Variants in LAMB4 observed in about 807,000 individuals in gnomAD.
LAMB4 encodes laminin subunit beta-4.
LAMB4 carries 196 observed loss-of-function variants against 199.2 expected under a neutral mutation model. The ratio of observed to expected loss-of-function variants is 0.98; its 90% CI spans 0.88 to 1.11. The LOEUF (loss-of-function observed/expected upper bound fraction) is 1.11, where lower values mean the gene tolerates loss of function less well. Among genes scored for constraint, LAMB4 ranks in the 50% least tolerant of loss-of-function variants. The pLI, the probability that LAMB4 is intolerant of heterozygous loss-of-function variation, is 0.00. For missense variants in LAMB4, 2,080 were observed against 2,171.2 expected (o/e 0.96, Z 0.83); for synonymous variants, 744 against 770.6 (o/e 0.97, Z 0.57).
intron 17 of LAMB4, among the ~76,000 whole-genome samples, chr7:108,071,024 A>G (rs1009008646): frequency 6.6e-6 from 1 of 152,154 alleles, no homozygotes; most frequent in African/African-American, 2.4e-5. Context: ...TTGGGAGTGG[A>G]AGAAGTGTCC....
intron 10 of LAMB4, among the ~76,000 whole-genome samples, chr7:108,100,924 A>T (rs1314078007): frequency 6.6e-6 from 1 of 152,224 alleles, no homozygotes; most frequent in African/African-American, 2.4e-5. Flanking sequence ...AATTTTATAT[A>T]GTCAGGTGCC....
At chr7:108,027,784 T>C (rs1007947445) in intron 33 of LAMB4, among the ~76,000 whole-genome samples, 1 of 152,154 alleles carries the variant, frequency 6.6e-6, no homozygotes, top group Non-Finnish European at 1.5e-5. Flanking sequence ...GTATTTTATG[T>C]TTTTTGTTTT....
chr7:108,056,986 A>AG (rs1053150450), intron 24 of LAMB4, among the ~76,000 whole-genome samples: 2 of 152,056 alleles, frequency 1.3e-5, no homozygotes, highest in African/African-American at 4.8e-5. Flanking sequence ...AAAAAAAAAA[A>AG]AAAAGCATTT....
chr7:108,052,880 G>A (rs904488682), intron 25 of LAMB4, among the ~76,000 whole-genome samples: 2 of 152,126 alleles, frequency 1.3e-5, no homozygotes, highest in Non-Finnish European at 2.9e-5. Context: ...ACTTCGAGGG[G>A]ATAATGAACA....
In LAMB4 at chr7:108,026,987, C is replaced by A. The variant is rs1034146597; in HGVS notation, c.5146+2056G>T. The A allele has an allele frequency of 1.5e-5, 7 of 471,252 alleles. No individual in the cohort carries two copies. In the East Asian group the frequency reaches 3.4e-4, roughly 23 times the overall value. The allele number at this position is 471,252 out of a possible 1,614,324, so 29.2% of individuals were successfully genotyped here. A position where few individuals can be genotyped will look rare whatever the true frequency, so the allele number is the denominator to read the frequency against. Reference sequence around the variant, plus strand: ...TCCCTGAGAAGCCCTCTAACTTCAACTTCTCTTCCAATCTAATTTCAAGAA... The same window carrying A: ...TCCCTGAGAAGCCCTCTAACTTCAAATTCTCTTCCAATCTAATTTCAAGAA... On this transcript the variant is annotated intron_variant, in intron 33 of 33. Coordinates refer to ENST00000388781, the MANE Select transcript of LAMB4 (RefSeq NM_007356.3).
intron 30 of LAMB4, 46 bp downstream of exon 30, chr7:108,037,342 C>T: frequency 7.0e-7 from 1 of 1,423,494 alleles, no homozygotes; most frequent in Non-Finnish European, 9.9e-7. Flanking sequence ...GTCCTTTCAG[C>T]AGATGGTCTG....
chr7:108,053,018 C>T lies in LAMB4; in HGVS notation c.3756-761G>A, dbSNP rs74610155. 8.3e-4 allele frequency among the ~76,000 whole-genome samples: 127 copies of T among 152,260 alleles called. 1 individual carries two copies. Among genetic ancestry groups the T allele is most frequent in the African/African-American group, 2.9e-3 (121 of 41,528 alleles). On this transcript the variant is annotated intron_variant, in intron 25 of 33. Transcript: ENST00000388781. ...CTTCCTTCCATTTTCTTTTGTAACT[C>T]TCCCCTCTAATCTATAGACTCTTCC...
intron 1 of LAMB4, among the ~76,000 whole-genome samples, chr7:108,127,367 G>A (rs1016962279): frequency 6.6e-6 from 1 of 152,000 alleles, no homozygotes; most frequent in East Asian, 1.9e-4. Context: ...CTAGAAACTT[G>A]AGGGTTACCT....
intron 26 of LAMB4, among the ~76,000 whole-genome samples, chr7:108,050,307 C>T (rs1349942730): frequency 6.6e-6 from 1 of 152,160 alleles, no homozygotes; most frequent in African/African-American, 2.4e-5. Context: ...CTTCACAAAA[C>T]AGTGTGAAAT....
intron 2 of LAMB4, among the ~76,000 whole-genome samples, chr7:108,121,178 C>A (rs1451441674): frequency 2.0e-5 from 3 of 151,980 alleles, no homozygotes; most frequent in African/African-American, 7.3e-5. Flanking sequence ...GAAGATAGAA[C>A]CTGAAGATAG....
intron 23 of LAMB4, 182 bp downstream of exon 23, chr7:108,062,592 T>C: frequency 2.6e-6 from 1 of 391,244 alleles, no homozygotes. Flanking sequence ...TTTGAGATGC[T>C]CATTCTCTTT....
chr7:108,072,417 A>C (rs967560959), intron 17 of LAMB4, among the ~76,000 whole-genome samples: 9 of 152,146 alleles, frequency 5.9e-5, no homozygotes, highest in African/African-American at 1.9e-4. Context: ...AGCATATTAC[A>C]TTGATGTTAT....
chr7:108,041,229 TA>T (rs1263786482), intron 29 of LAMB4, among the ~76,000 whole-genome samples: 1 of 152,158 alleles, frequency 6.6e-6, no homozygotes, highest in Admixed American at 6.6e-5. Context: ...TGGTGATTAT[TA>T]AAAAGTCAAA....
intron 5 of LAMB4, 65 bp downstream of exon 5, chr7:108,109,106 T>G (rs1160584647): frequency 9.0e-6 from 11 of 1,228,404 alleles, no homozygotes; most frequent in Admixed American, 1.7e-5. Flanking sequence ...GCAGTGAAAT[T>G]CCAGATAAAC....
chr7:108,107,617 G>C lies in LAMB4; in HGVS notation c.591+14C>G. ...TTAATTTATACAAAATAAATACAAG[G>C]AAGGAAATGCTACCTCTCCACCTGT... On this transcript the variant is annotated intron_variant, in intron 6 of 33. Transcript: ENST00000388781. 6.4e-7 allele frequency: 1 copy of C among 1,554,312 alleles called. No homozygotes were observed. Among genetic ancestry groups the C allele is most frequent in the Non-Finnish European group, 8.7e-7 (1 of 1,150,800 alleles).
At chr7:108,071,371 C>G (rs1420741744) in intron 17 of LAMB4, among the ~76,000 whole-genome samples, 3 of 152,190 alleles carry the variant, frequency 2.0e-5, no homozygotes, top group Non-Finnish European at 4.4e-5. Flanking sequence ...ACACCTACTT[C>G]CTAGGTGATC....
chr7:108,099,335 C>T (rs2037738579), intron 10 of LAMB4, among the ~76,000 whole-genome samples: 1 of 152,160 alleles, frequency 6.6e-6, no homozygotes, highest in Non-Finnish European at 1.5e-5. Context: ...GACATTTGAA[C>T]AACTCAAGGA....
rs747396915 is a variant in LAMB4, at chr7:108,061,079, G to A, written c.3282+1695C>T. On this transcript the variant is annotated intron_variant, in intron 23 of 33. Transcript: ENST00000388781. ...GGCACTTGACTTCTCTGGTGTTTTC[G>A]GAACCTATAAACCCAGTCTAATCAT... is the stretch of plus-strand genomic sequence containing the variant. 3.9e-5 allele frequency among the ~76,000 whole-genome samples: 6 copies of A among 152,236 alleles called. No homozygotes were observed. In the East Asian group the frequency reaches 5.8e-4, roughly 15 times the overall value.
chr7:108,060,827 T>G (rs1344573417), intron 23 of LAMB4, among the ~76,000 whole-genome samples: 1 of 152,178 alleles, frequency 6.6e-6, no homozygotes, highest in African/African-American at 2.4e-5. Context: ...TTCCAATGAT[T>G]TGTGGAGATA....
Sources: gnomAD v4.1 joint callset for allele counts (sites outside exome capture counted in the v4.1 genomes callset) on GRCh38, gnomAD v4.1.1 for gene constraint, MANE v1.5 for transcripts, NCBI Gene and HGNC (gene_info 2026-07-23, HGNC 2026-07-21) for gene names.